CACNB2: variants seen among roughly 807,000 people sequenced by gnomAD.
The protein encoded by CACNB2 is calcium voltage-gated channel auxiliary subunit beta 2, also known as voltage-dependent L-type calcium channel subunit beta-2.
Under a neutral mutation model 73.3 loss-of-function variants are expected in CACNB2, and 42 were observed. That is an observed-to-expected ratio of 0.57 (90% CI 0.45 to 0.74). The LOEUF (loss-of-function observed/expected upper bound fraction) is 0.74, where lower values mean the gene tolerates loss of function less well. Ranked by LOEUF, CACNB2 falls within the 30% of genes least tolerant of loss-of-function variation. The probability of loss-of-function intolerance (pLI) is 0.00; values close to 1 mark genes in which losing one functional copy is unlikely to be tolerated. For synonymous variants in CACNB2, 348 were observed against 310.3 expected, an observed-to-expected ratio of 1.12 and a Z score of -1.28; for missense variants, 940 against 853.0, an observed-to-expected ratio of 1.10 and a Z score of -1.27.
intron 2 of CACNB2, among the ~76,000 whole-genome samples, chr10:18,311,831 A>G (rs1458407822): frequency 2.0e-5 from 3 of 152,104 alleles, no homozygotes; most frequent in Non-Finnish European, 4.4e-5. Flanking sequence ...AGACTTCCCT[A>G]TAAGGTGTGT....
chr10:18,515,429 C>T (rs2051180668), intron 7 of CACNB2, among the ~76,000 whole-genome samples: 1 of 152,206 alleles, frequency 6.6e-6, no homozygotes. Flanking sequence ...TATATTCTCA[C>T]ACGCAGATGT....
intron 2 of CACNB2, among the ~76,000 whole-genome samples, chr10:18,282,631 T>C (rs1423298610): frequency 6.6e-6 from 1 of 152,216 alleles, no homozygotes; most frequent in Non-Finnish European, 1.5e-5. Context: ...AATATGAGTA[T>C]TCAATTTGTT....
Position 18,527,650 on chromosome 10 carries a change from C to G in CACNB2, c.1007C>G (p.Pro336Arg). The G allele has an allele frequency of 1.2e-6, 2 of 1,613,808 alleles. No individual in the cohort carries two copies. Among genetic ancestry groups the G allele is most frequent in the Non-Finnish European group, 1.7e-6 (2 of 1,179,870 alleles). The change falls in exon 10 of 14, where the codon CCC (proline) becomes CGC (arginine). Residue 336 changes from proline (P) to arginine (R), a missense_variant. Transcript: ENST00000324631. Reference sequence around the variant, plus strand: ...GCCAAACGCTCGGTATTAAACAATCCCAGTAAGCACGCAATAATAGAAAGA... The same window carrying G: ...GCCAAACGCTCGGTATTAAACAATCGCAGTAAGCACGCAATAATAGAAAGA... ...SLAKRSVLNN[P>R]SKHAIIERSN...
At chr10:18,373,633 TC>T (rs2042676823) in intron 2 of CACNB2, among the ~76,000 whole-genome samples, 1 of 152,218 alleles carries the variant, frequency 6.6e-6, no homozygotes, top group African/African-American at 2.4e-5. Context: ...ACTCTGTTCC[TC>T]CCATGAAGTC....
At chr10:18,360,433 C>T (rs931473840) in intron 2 of CACNB2, among the ~76,000 whole-genome samples, 4 of 152,048 alleles carry the variant, frequency 2.6e-5, no homozygotes, top group Admixed American at 1.3e-4. Context: ...CTTTGTTGCC[C>T]GGGCTGATCT....
intron 2 of CACNB2, among the ~76,000 whole-genome samples, chr10:18,379,357 C>T (rs1466678248): frequency 2.6e-5 from 4 of 152,058 alleles, no homozygotes; most frequent in South Asian, 2.1e-4. Flanking sequence ...GGACAACAGG[C>T]GTTCACCACC....
chr10:18,523,425 G>A (rs954360639), intron 9 of CACNB2, among the ~76,000 whole-genome samples: 1 of 152,162 alleles, frequency 6.6e-6, no homozygotes, highest in Admixed American at 6.5e-5. Flanking sequence ...GAGTGTATCA[G>A]CCACCCAGAT....
intron 2 of CACNB2, among the ~76,000 whole-genome samples, chr10:18,310,497 C>G (rs1313770272): frequency 6.9e-6 from 1 of 145,536 alleles, no homozygotes; most frequent in Non-Finnish European, 1.5e-5. Flanking sequence ...CCCAGCTACT[C>G]AGGAGGCTGA....
intron 9 of CACNB2, among the ~76,000 whole-genome samples, chr10:18,520,348 G>C (rs964995698): frequency 6.6e-6 from 1 of 152,112 alleles, no homozygotes; most frequent in Admixed American, 6.5e-5. Context: ...ACATGCAAAT[G>C]CTGTTGTCTT....
chr10:18,481,328 C>T (rs1359589804), intron 3 of CACNB2, among the ~76,000 whole-genome samples: 3 of 136,102 alleles, frequency 2.2e-5, no homozygotes, highest in Admixed American at 1.6e-4. Context: ...CTCACTGCAA[C>T]CTCTGCCTCC....
intron 6 of CACNB2, among the ~76,000 whole-genome samples, 198 bp from the exon 7 acceptor site, chr10:18,514,038 T>C (rs2051033589): frequency 6.6e-6 from 1 of 152,250 alleles, no homozygotes; most frequent in East Asian, 1.9e-4. Context: ...ATTATAAGTG[T>C]ATCTTTCAGT....
chr10:18,324,685 G>A lies in CACNB2; in HGVS notation c.214-77239G>A, dbSNP rs187553959. ...AGCCTGGCCAACATGGCGAAACCTCGTCTCTACTGAAAATACAAAAATTAA... is the reference window on the plus strand; with the variant it reads ...AGCCTGGCCAACATGGCGAAACCTCATCTCTACTGAAAATACAAAAATTAA... On this transcript the variant is annotated intron_variant, in intron 2 of 13. Coordinates refer to ENST00000324631, the MANE Select transcript of CACNB2 (RefSeq NM_201596.3). Among the ~76,000 whole-genome samples the A allele has an allele frequency of 8.1e-4, 124 of 152,284 alleles. 2 individuals are homozygous for A. Among genetic ancestry groups the A allele is most frequent in the Admixed American group, 2.6e-3 (40 of 15,288 alleles).
chr10:18,517,469 CCT>C (rs200582836), intron 7 of CACNB2, among the ~76,000 whole-genome samples: 1,647 of 152,202 alleles, frequency 0.011, 14 homozygotes, highest in Middle Eastern at 0.051. Flanking sequence ...TAGCTCCTCC[CCT>C]CTTATTAAAA....
intron 10 of CACNB2, among the ~76,000 whole-genome samples, chr10:18,531,485 A>G (rs1381885005): frequency 1.3e-5 from 2 of 152,148 alleles, no homozygotes; most frequent in African/African-American, 4.8e-5. Context: ...ACATGCGTGT[A>G]TCTTTATAAT....
At chr10:18,261,321 A>G (rs1238144780) in intron 2 of CACNB2, 1 of 1,551,554 alleles carries the variant, frequency 6.4e-7, no homozygotes, top group Admixed American at 2.0e-5. Flanking sequence ...GTCCTATGTA[A>G]GTTTCTATTG....
chr10:18,201,683 G>A (rs1217169732), intron 2 of CACNB2, among the ~76,000 whole-genome samples: 5 of 152,122 alleles, frequency 3.3e-5, no homozygotes, highest in Non-Finnish European at 5.9e-5. Context: ...TAGCATATCC[G>A]TTTTCTTGAA....
chr10:18,272,863 A>C (rs1269905137), intron 2 of CACNB2, among the ~76,000 whole-genome samples: 1 of 152,216 alleles, frequency 6.6e-6, no homozygotes, highest in African/African-American at 2.4e-5. Context: ...AGAATGGACT[A>C]ATACAGCTTC....
chr10:18,480,379 G>A (rs140651648), intron 3 of CACNB2, among the ~76,000 whole-genome samples: 50 of 152,188 alleles, frequency 3.3e-4, no homozygotes, highest in Middle Eastern at 3.4e-3. Context: ...AGACAAGCCC[G>A]TTGGTTTAAT....
chr10:18,270,387 C>T (rs1473923538), intron 2 of CACNB2, among the ~76,000 whole-genome samples: 1 of 152,138 alleles, frequency 6.6e-6, no homozygotes, highest in African/African-American at 2.4e-5. Flanking sequence ...TCAGCAGCCT[C>T]CTAACTGGTC....
Sources: allele counts gnomAD v4.1 joint callset (sites outside exome capture counted in the v4.1 genomes callset), GRCh38; gene constraint gnomAD v4.1.1; transcripts MANE v1.5; gene names NCBI Gene and HGNC (gene_info 2026-07-23, HGNC 2026-07-21).